The following FYN variants were observed in gnomAD, a reference collection of about 807,000 sequenced individuals.
FYN encodes the protein FYN proto-oncogene, Src family tyrosine kinase, also known as tyrosine-protein kinase Fyn.
A neutral mutation model predicts 70.2 loss-of-function variants in FYN; 10 were observed. The ratio of observed to expected loss-of-function variants is 0.14; its 90% CI spans 0.09 to 0.24. The LOEUF (loss-of-function observed/expected upper bound fraction) is 0.24, where lower values mean the gene tolerates loss of function less well. FYN is among the 10% of genes least tolerant of loss of function. The pLI is 1.00. For synonymous variants in FYN, 236 were observed against 248.6 expected (o/e 0.95, Z 0.48); for missense variants, 319 against 673.1 (o/e 0.47, Z 5.82).
At chr6:111,774,693 T>C (rs901981089) in intron 3 of FYN, among the ~76,000 whole-genome samples, 2 of 151,912 alleles carry the variant, frequency 1.3e-5, no homozygotes, top group Non-Finnish European at 2.9e-5. Context: ...GCTGCAGCTT[T>C]TTCCCCCCCT....
At chr6:111,664,040 C>T (rs908981168) in intron 13 of FYN, among the ~76,000 whole-genome samples, 1 of 152,198 alleles carries the variant, frequency 6.6e-6, no homozygotes, top group African/African-American at 2.4e-5. Flanking sequence ...GCCACAAAAC[C>T]TGAACTGATT....
chr6:111,855,318 A>C (rs1461048667), intron 1 of FYN, among the ~76,000 whole-genome samples: 2 of 152,236 alleles, frequency 1.3e-5, no homozygotes, highest in Admixed American at 6.5e-5. Context: ...ATAGGAGATG[A>C]AATGATTTGA....
intron 12 of FYN, among the ~76,000 whole-genome samples, chr6:111,684,797 T>A (rs1160513539): frequency 6.6e-6 from 1 of 152,136 alleles, no homozygotes; most frequent in Non-Finnish European, 1.5e-5. Flanking sequence ...AAGAAGGAAA[T>A]CTGAGAACCA....
chr6:111,786,189 C>G (rs1049950831), intron 2 of FYN, among the ~76,000 whole-genome samples: 2 of 152,006 alleles, frequency 1.3e-5, no homozygotes, highest in African/African-American at 4.8e-5. Flanking sequence ...AGGTATATCT[C>G]CCAATGCTAT....
chr6:111,727,443 A>G (rs1238932996), intron 3 of FYN, among the ~76,000 whole-genome samples: 1 of 152,216 alleles, frequency 6.6e-6, no homozygotes, highest in African/African-American at 2.4e-5. Flanking sequence ...TGAGATACAC[A>G]TATAATGCCT....
chr6:111,752,605 T>C (rs1478406695), intron 3 of FYN, among the ~76,000 whole-genome samples: 1 of 152,092 alleles, frequency 6.6e-6, no homozygotes, highest in Non-Finnish European at 1.5e-5. Context: ...GGAAGACATT[T>C]AGGGAAGAGT....
chr6:111,739,983 C>G (rs1342911889), intron 3 of FYN, among the ~76,000 whole-genome samples: 3 of 152,108 alleles, frequency 2.0e-5, no homozygotes, highest in Non-Finnish European at 4.4e-5. Flanking sequence ...GCCACCACGC[C>G]CAGCTAATTT....
At chr6:111,850,305 T>C (rs1773648901) in intron 1 of FYN, among the ~76,000 whole-genome samples, 2 of 152,236 alleles carry the variant, frequency 1.3e-5, no homozygotes, top group South Asian at 4.1e-4. Flanking sequence ...CTATTTCAAA[T>C]TCAACTCTTT....
Position 111,681,689 on chromosome 6 carries a change from G to A in FYN, c.1274-7059C>T, listed in dbSNP as rs1366530054. The stretch of plus-strand genomic sequence containing the variant: ...CACTAATCTCTCCAATGCACCTAGC[G>A]CCAGTGCTAGAAACAACAGTTTAAT... On this transcript the variant is annotated intron_variant, in intron 12 of 13. Coordinates refer to ENST00000354650, the MANE Select transcript of FYN (RefSeq NM_002037.5). Among the ~76,000 whole-genome samples, 8 of 152,038 alleles carry A rather than the reference G, an allele frequency of 5.3e-5. No homozygotes were observed. In the East Asian group the frequency reaches 5.8e-4, roughly 11 times the overall value.
Position 111,701,557 on chromosome 6 carries a change from AT to A in FYN, c.698-1290del, listed in dbSNP as rs1196292520. On this transcript the variant is annotated intron_variant, in intron 8 of 13. Coordinates refer to ENST00000354650, the MANE Select transcript of FYN (RefSeq NM_002037.5). Reference sequence around the variant, plus strand: ...TAAAAACAAGTCTAACGTGAGATGGATTTTTTTTCCCCGAGATTAAAAAAAG... The same window carrying A: ...TAAAAACAAGTCTAACGTGAGATGGATTTTTTTCCCCGAGATTAAAAAAAG... Among the ~76,000 whole-genome samples, 6 of 152,028 alleles carry A rather than the reference AT, an allele frequency of 3.9e-5. No individual in the cohort carries two copies. The South Asian group carries it at 1.0e-3, about 26-fold the overall frequency.
At chr6:111,786,410 T>C (rs866950765) in intron 2 of FYN, among the ~76,000 whole-genome samples, 24 of 152,356 alleles carry the variant, frequency 1.6e-4, no homozygotes, top group African/African-American at 5.8e-4. Flanking sequence ...TATGGCTGCA[T>C]AGTATTCCAT....
At chr6:111,729,730 T>C (rs1801359545) in intron 3 of FYN, among the ~76,000 whole-genome samples, 1 of 152,208 alleles carries the variant, frequency 6.6e-6, no homozygotes, top group Non-Finnish European at 1.5e-5. Context: ...AAGATGTTCA[T>C]GTTATATTAG....
chr6:111,774,906 A>AT (rs1803647009), intron 3 of FYN, among the ~76,000 whole-genome samples: 1 of 152,032 alleles, frequency 6.6e-6, no homozygotes, highest in Admixed American at 6.6e-5. Context: ...TTTAGTAGAG[A>AT]TGGGGTTTCG....
At chr6:111,738,218 G>C (rs990093371) in intron 3 of FYN, among the ~76,000 whole-genome samples, 1 of 152,188 alleles carries the variant, frequency 6.6e-6, no homozygotes, top group African/African-American at 2.4e-5. Flanking sequence ...CCTATCCCAT[G>C]AGCAGAACTC....
chr6:111,696,770 C>T (rs1403035648), intron 9 of FYN: 6 of 209,406 alleles, frequency 2.9e-5, no homozygotes, highest in Non-Finnish European at 5.7e-5. Context: ...AAAAGCTCTG[C>T]ACCATACAGT....
intron 12 of FYN, among the ~76,000 whole-genome samples, chr6:111,678,871 G>A (rs1228481836): frequency 1.3e-5 from 2 of 152,128 alleles, no homozygotes; most frequent in Non-Finnish European, 2.9e-5. Context: ...TGATCTCTGT[G>A]CTCTCCTGCT....
intron 2 of FYN, among the ~76,000 whole-genome samples, chr6:111,783,696 T>C (rs1771258728): frequency 6.6e-6 from 1 of 152,262 alleles, no homozygotes; most frequent in South Asian, 2.1e-4. Context: ...ATAGTTCTCA[T>C]CTGCATGTGG....
chr6:111,754,054 C>T (rs9374286), intron 3 of FYN, among the ~76,000 whole-genome samples: 66,849 of 151,980 alleles, frequency 0.44, 14,924 homozygotes, highest in East Asian at 0.61. Flanking sequence ...TCTAGTAAGA[C>T]TGAACTTTGA....
At chr6:111,699,806 A>G (rs2128442206) in intron 9 of FYN, 2 of 835,968 alleles carry the variant, frequency 2.4e-6, no homozygotes, top group Non-Finnish European at 3.6e-6. Flanking sequence ...GAAGAGCAAG[A>G]TATTTTATGG....
Sources: allele counts gnomAD v4.1 joint callset (sites outside exome capture counted in the v4.1 genomes callset), GRCh38; gene constraint gnomAD v4.1.1; transcripts MANE v1.5; gene names NCBI Gene and HGNC (gene_info 2026-07-23, HGNC 2026-07-21).